Variants in IGF1R observed in about 807,000 individuals in gnomAD.
The protein encoded by IGF1R is insulin-like growth factor 1 receptor.
A neutral mutation model predicts 144.6 loss-of-function variants in IGF1R; 44 were observed. That is an observed-to-expected ratio of 0.30 (90% CI 0.24 to 0.39). The LOEUF is 0.39. Ranked by LOEUF, IGF1R falls within the 10% of genes least tolerant of loss-of-function variation. The pLI is 1.00. For missense variants in IGF1R, 1,355 were observed against 1,833.7 expected (o/e 0.74, Z 4.77); for synonymous variants, 795 against 722.8 (o/e 1.10, Z -1.60).
At chr15:98,661,095 T>C (rs2052588187) in intron 1 of IGF1R, among the ~76,000 whole-genome samples, 1 of 69,412 alleles carries the variant, frequency 1.4e-5, no homozygotes, top group Non-Finnish European at 4.0e-5. Flanking sequence ...GAGATGGAGA[T>C]TTGAGGGAGA....
At position 98,935,122 on chromosome 15, in the gene IGF1R, G is replaced by GT; in HGVS notation, c.3186+71dup. The GT allele has an allele frequency of 7.6e-7, 1 of 1,322,644 alleles. No individual in the cohort carries two copies. The highest frequency in any genetic ancestry group is 1.1e-6 in the Non-Finnish European group (1 of 921,312). 81.9% of individuals were successfully genotyped at this position (1,322,644 alleles called of 1,614,324 possible). ...GGGTATCACACAAGCCTCCCAGTAT[G>GT]TTCTTGGCTGCATGTACCCGTGGGT... is the stretch of plus-strand genomic sequence containing the variant. On this transcript the variant is annotated intron_variant, in intron 16 of 20. Transcript: ENST00000650285. This position sits in a 1 kb window ranked among gnomAD's most constrained non-coding sequence, Gnocchi z 4.2.
At chr15:98,799,706 C>T (rs1243772803) in intron 2 of IGF1R, among the ~76,000 whole-genome samples, 1 of 152,054 alleles carries the variant, frequency 6.6e-6, no homozygotes, top group Admixed American at 6.6e-5. Context: ...GCTGCTGTTA[C>T]CTTCCCAGAA....
chr15:98,814,739 C>G (rs938225815), intron 2 of IGF1R, among the ~76,000 whole-genome samples: 1 of 152,080 alleles, frequency 6.6e-6, no homozygotes, highest in Non-Finnish European at 1.5e-5. Flanking sequence ...AATTCCATTT[C>G]ACTTAAATTA....
chr15:98,726,664 G>A (rs2054368013), intron 2 of IGF1R, among the ~76,000 whole-genome samples: 1 of 148,018 alleles, frequency 6.8e-6, no homozygotes, highest in African/African-American at 2.5e-5. Context: ...GCTTTTCTCT[G>A]ACTTTTTAAA....
chr15:98,828,361 A>C (rs2056935849), intron 2 of IGF1R, among the ~76,000 whole-genome samples: 1 of 152,104 alleles, frequency 6.6e-6, no homozygotes. Flanking sequence ...CTGCTCGTAT[A>C]AGACACCTTG....
At chr15:98,770,565 A>T (rs1409085610) in intron 2 of IGF1R, among the ~76,000 whole-genome samples, 1 of 152,236 alleles carries the variant, frequency 6.6e-6, no homozygotes, top group Non-Finnish European at 1.5e-5. Flanking sequence ...ATATCATATT[A>T]ACCCCATAAA....
At chr15:98,849,245 G>A (rs759754761) in intron 2 of IGF1R, among the ~76,000 whole-genome samples, 5 of 152,226 alleles carry the variant, frequency 3.3e-5, no homozygotes, top group Non-Finnish European at 7.3e-5. Context: ...AGTACCTGTG[G>A]AAATTTAGTT....
chr15:98,834,528 A>T (rs1313682780), intron 2 of IGF1R, among the ~76,000 whole-genome samples: 1 of 152,206 alleles, frequency 6.6e-6, no homozygotes, highest in Non-Finnish European at 1.5e-5. Context: ...ATTGATCCAT[A>T]GGTTCAATAA....
chr15:98,728,593 C>G (rs980788932), intron 2 of IGF1R, among the ~76,000 whole-genome samples: 3 of 152,248 alleles, frequency 2.0e-5, no homozygotes, highest in Non-Finnish European at 2.9e-5. Context: ...AGGCTGAGCT[C>G]AAGCAGGTGA....
At position 98,884,193 on chromosome 15, in the gene IGF1R, G is replaced by C. The variant is rs975054019; in HGVS notation, c.641-7132G>C. 3.3e-5 allele frequency among the ~76,000 whole-genome samples: 5 copies of C among 152,046 alleles called. No homozygotes were observed. In the South Asian group the frequency reaches 6.2e-4, roughly 19 times the overall value. On this transcript the variant is annotated intron_variant, in intron 2 of 20. Coordinates refer to ENST00000650285, the MANE Select transcript of IGF1R (RefSeq NM_000875.5). ...CACGGTGTGTGCTGTGATCTCTCCT[G>C]GGTCCCCCGGGCATCCTCAGACCTC...
chr15:98,891,652 C>G lies in IGF1R; in HGVS notation c.953+15C>G. The G allele has an allele frequency of 6.3e-7, 1 of 1,597,986 alleles. No homozygotes were observed. Among genetic ancestry groups the G allele is most frequent in the Non-Finnish European group, 8.5e-7 (1 of 1,178,930 alleles). ...GGCAGCCAGAGGTCAGTCGCGGCCA[C>G]ACGTGTGGTCACTACCCGCCCCACC... On this transcript the variant is annotated intron_variant, in intron 3 of 20. Transcript: ENST00000650285. The surrounding 1 kb of genome is among the most constrained non-coding windows in gnomAD (Gnocchi z 4.7).
chr15:98,919,722 G>A (rs144344677), intron 10 of IGF1R, among the ~76,000 whole-genome samples: 106 of 152,270 alleles, frequency 7.0e-4, no homozygotes, highest in African/African-American at 2.5e-3. Flanking sequence ...TTTTGTCCGT[G>A]GTGAGAGGCC....
intron 2 of IGF1R, among the ~76,000 whole-genome samples, chr15:98,841,720 AG>A (rs1477593735): frequency 6.6e-6 from 1 of 152,236 alleles, no homozygotes; most frequent in Non-Finnish European, 1.5e-5. Context: ...TTGAGAAACA[AG>A]CAGCCTCACC....
At chr15:98,939,639 A>C (rs554949022) in intron 18 of IGF1R, among the ~76,000 whole-genome samples, 2 of 152,346 alleles carry the variant, frequency 1.3e-5, no homozygotes, top group Admixed American at 6.5e-5. Flanking sequence ...AACACCTCTT[A>C]GCATTGGTTA....
At chr15:98,762,314 C>T (rs144322636) in intron 2 of IGF1R, among the ~76,000 whole-genome samples, 15 of 148,448 alleles carry the variant, frequency 1.0e-4, no homozygotes, top group Admixed American at 5.4e-4. Context: ...CATAGCCCAT[C>T]GCAGCCTCAA....
At chr15:98,803,289 G>T (rs1287354750) in intron 2 of IGF1R, among the ~76,000 whole-genome samples, 1 of 152,060 alleles carries the variant, frequency 6.6e-6, no homozygotes, top group African/African-American at 2.4e-5. Context: ...TAACACAGTG[G>T]TAAGTATTTC....
At chr15:98,762,096 AT>A (rs2055314174) in intron 2 of IGF1R, among the ~76,000 whole-genome samples, 2 of 152,206 alleles carry the variant, frequency 1.3e-5, no homozygotes, top group Non-Finnish European at 2.9e-5. Flanking sequence ...CATCTTTGTG[AT>A]GATGTAGCTC....
intron 2 of IGF1R, among the ~76,000 whole-genome samples, chr15:98,883,035 G>A (rs1362697989): frequency 1.3e-5 from 2 of 152,182 alleles, no homozygotes; most frequent in South Asian, 2.1e-4. Context: ...ACAAACTGTG[G>A]TATCTTCCAT....
rs17847195 is a variant in IGF1R at position 98,948,832 on chromosome 15, G to T, written c.3722+124G>T. On this transcript the variant is annotated intron_variant, in intron 20 of 20. Coordinates refer to ENST00000650285, the MANE Select transcript of IGF1R (RefSeq NM_000875.5). ...TGGTCCTGCGCCTCCCTTGCCAGGC[G>T]TGGCTAAGAGGTTTGTCCTTGTGGA... 4.3e-6 allele frequency: 5 copies of T among 1,155,846 alleles called. No individual in the cohort carries two copies. The Admixed American group carries it at 8.6e-5, about 20-fold the overall frequency. 71.6% of individuals were successfully genotyped at this position (1,155,846 alleles called of 1,614,324 possible). A position where few individuals can be genotyped will look rare whatever the true frequency, so the allele number is the denominator to read the frequency against.
Sources: allele counts gnomAD v4.1 joint callset (sites outside exome capture counted in the v4.1 genomes callset), GRCh38; gene constraint gnomAD v4.1.1; non-coding constraint Gnocchi (gnomAD v3.1); transcripts MANE v1.5; gene names NCBI Gene and HGNC (gene_info 2026-07-23, HGNC 2026-07-21).